Variants in ACOD1 observed in about 807,000 individuals in gnomAD.
The protein encoded by ACOD1 is aconitate decarboxylase 1, also known as cis-aconitate decarboxylase.
A neutral mutation model predicts 14.2 loss-of-function variants in ACOD1; 14 were observed. The observed-to-expected ratio is 0.99, with a 90% CI of 0.65 to 1.54. The LOEUF (loss-of-function observed/expected upper bound fraction) is 1.54, where lower values mean the gene tolerates loss of function less well. Ranked by LOEUF, ACOD1 falls within the 40% of genes most tolerant of loss-of-function variation. The probability of loss-of-function intolerance (pLI) is 0.00; values close to 1 mark genes in which losing one functional copy is unlikely to be tolerated. For synonymous variants in ACOD1, 182 were observed against 221.7 expected, an observed-to-expected ratio of 0.82 and a Z score of 1.59; for missense variants, 530 against 586.3, an observed-to-expected ratio of 0.90 and a Z score of 0.99.
rs2033887968 is a variant in ACOD1, at chr13:76,957,323, T to A, written c.784T>A (p.Trp262Arg). 1.3e-6 allele frequency: 2 copies of A among 1,550,548 alleles called. No individual in the cohort carries two copies. Among genetic ancestry groups the A allele is most frequent in the Non-Finnish European group, 1.7e-6 (2 of 1,147,006 alleles). The change falls in exon 5 of 5, where the codon TGG (tryptophan) becomes AGG (arginine). Residue 262 changes from tryptophan (W) to arginine (R), a missense_variant. Transcript: ENST00000377462. ...KVLPSIASYSWLLDQQDVAFK... is the reference protein window; with the variant it reads ...KVLPSIASYSRLLDQQDVAFK... ...CCTTCCAAGCATAGCTTCCTACAGT[T>A]GGCTGCTGGACCAGCAGGACGTGGC...
chr13:76,956,181 A>C (rs895521431), intron 4 of ACOD1, among the ~76,000 whole-genome samples: 1 of 152,162 alleles, frequency 6.6e-6, no homozygotes, highest in Non-Finnish European at 1.5e-5. Flanking sequence ...AAACTCTAAG[A>C]GGTAGATGTT....
At chr13:76,953,981 A>T in intron 3 of ACOD1, among the ~76,000 whole-genome samples, 1 of 152,348 alleles carries the variant, frequency 6.6e-6, no homozygotes, top group Admixed American at 6.5e-5. Context: ...GCAAAAAAAT[A>T]TAAAACCCAT....
Position 76,955,447 on chromosome 13 carries a change from G to T in ACOD1, c.393G>T (p.Leu131=). 1 of 1,550,676 alleles carries T rather than the reference G, an allele frequency of 6.4e-7. No individual in the cohort carries two copies. The highest frequency in any genetic ancestry group is 8.7e-7 in the Non-Finnish European group (1 of 1,147,008). ...RSPKFSGLDL[L]LAFNVGIEVQ... is the part of the protein sequence containing the mutation. ...CAAAGTTTTCTGGCCTTGACCTGCT[G>T]CTGGCTTTCAATGTTGGTATTGAAG... Residue 131 remains leucine (L), a synonymous_variant, in exon 4 of 5, where the codon CTG becomes CTT. Transcript: ENST00000377462.
chr13:76,954,284 T>C (rs1019701348), intron 3 of ACOD1, among the ~76,000 whole-genome samples: 4 of 152,190 alleles, frequency 2.6e-5, no homozygotes, highest in African/African-American at 9.7e-5. Context: ...GCTCAGGAGA[T>C]TGAAAGTTAA....
chr13:76,954,153 C>G (rs1441720907), intron 3 of ACOD1, among the ~76,000 whole-genome samples: 2 of 152,056 alleles, frequency 1.3e-5, no homozygotes, highest in Non-Finnish European at 2.9e-5. Flanking sequence ...ATCTGTACTT[C>G]TCATCTGACA....
In ACOD1 at chr13:76,957,243, T is replaced by A. The variant is rs1204955761; in HGVS notation, c.704T>A (p.Val235Asp). Residue 235 changes from valine to aspartate, a missense_variant, in exon 5 of 5, where the codon GTC (valine) becomes GAC (aspartate). Transcript: ENST00000377462. ...TTGGGTCTCCAAGGAAACAAGCAGG[T>A]CTTGGACTTGGAGGCAGGATTTGGG... ...AMLGLQGNKQVLDLEAGFGAF... is the reference protein window; with the variant it reads ...AMLGLQGNKQDLDLEAGFGAF... The A allele has an allele frequency of 6.4e-7, 1 of 1,550,454 alleles. No individual in the cohort carries two copies. The highest frequency in any genetic ancestry group is 1.4e-5 in the African/African-American group (1 of 73,052).
chr13:76,957,294 A>C lies in ACOD1; in HGVS notation c.755A>C (p.Lys252Thr). The part of the protein sequence containing the change: ...FGAFYANYSP[K>T]VLPSIASYSW... ...GCCTTTTATGCCAACTATTCCCCAA[A>C]AGTCCTTCCAAGCATAGCTTCCTAC... is the stretch of plus-strand genomic sequence containing the variant. Residue 252 changes from lysine (K) to threonine (T), a missense_variant, in exon 5 of 5, where the codon AAA (lysine) becomes ACA (threonine). Physicochemically the swap from Lys to Thr is moderately conservative, Grantham distance 78 (BLOSUM62 -1). Transcript: ENST00000377462. The C allele has an allele frequency of 6.4e-7, 1 of 1,550,636 alleles. No individual in the cohort carries two copies. Among genetic ancestry groups the C allele is most frequent in the Non-Finnish European group, 8.7e-7 (1 of 1,146,998 alleles).
chr13:76,949,221 C>T (rs2033799871), intron 1 of ACOD1, among the ~76,000 whole-genome samples: 1 of 151,776 alleles, frequency 6.6e-6, no homozygotes, highest in East Asian at 1.9e-4. Flanking sequence ...GAGCCGAGAT[C>T]GTGTCACTGT....
Position 76,957,055 on chromosome 13 carries a change from T to C in ACOD1, c.516T>C (p.Ala172=), listed in dbSNP as rs2033883707. 6.4e-7 allele frequency: 1 copy of C among 1,550,472 alleles called. No homozygotes were observed. The highest frequency in any genetic ancestry group is 1.2e-5 in the South Asian group (1 of 84,062). ...SVVGTLGSAA[A]ASKFLGLSST... The stretch of plus-strand genomic sequence containing the variant: ...TAGGAACGTTGGGTAGTGCTGCTGC[T>C]GCATCCAAGTTTTTAGGACTTAGCT... The change falls in exon 5 of 5, where the codon GCT becomes GCC. Residue 172 remains alanine, a synonymous_variant. Coordinates refer to ENST00000377462, the MANE Select transcript of ACOD1 (RefSeq NM_001258406.2).
At chr13:76,952,062 G>A (rs2033827002) in intron 1 of ACOD1, among the ~76,000 whole-genome samples, 1 of 152,182 alleles carries the variant, frequency 6.6e-6, no homozygotes, top group African/African-American at 2.4e-5. Context: ...GGTATTAAAA[G>A]GGTAATATAT....
In ACOD1 at chr13:76,952,492, A is replaced by G. The variant is rs80189019; in HGVS notation, c.16A>G (p.Ile6Val). Residue 6 changes from isoleucine to valine, a missense_variant, in exon 2 of 5, where the codon ATC becomes GTC. By Grantham distance (29) the Ile-to-Val change is conservative. Coordinates refer to ENST00000377462, the MANE Select transcript of ACOD1 (RefSeq NM_001258406.2). MMLKSITESFATAIHG... is the reference protein window; with the variant it reads MMLKSVTESFATAIHG... ...CCTAACACTCTTCCCTTTAAAGTCTATCACAGAAAGCTTTGCCACAGCAAT... is the reference window on the plus strand; with the variant it reads ...CCTAACACTCTTCCCTTTAAAGTCTGTCACAGAAAGCTTTGCCACAGCAAT... 6.5e-6 allele frequency: 10 copies of G among 1,550,352 alleles called. No individual in the cohort carries two copies. In the African/African-American group the frequency reaches 1.1e-4, roughly 17 times the overall value.
In ACOD1 at chr13:76,955,333, T is replaced by A; in HGVS notation, c.279T>A (p.Asp93Glu). Residue 93 changes from aspartate (D) to glutamate (E), a missense_variant, in exon 4 of 5, where the codon GAT becomes GAA. Transcript: ENST00000377462. ...FVNGVAIHSM[D>E]FDDTWHPATH... ...TGTTTATACAGATTCACTCCATGGA[T>A]TTTGATGACACGTGGCACCCTGCCA... The A allele has an allele frequency of 6.5e-7, 1 of 1,550,334 alleles. No individual in the cohort carries two copies. The highest frequency in any genetic ancestry group is 1.7e-4 in the Middle Eastern group (1 of 5,848).
chr13:76,952,907 C>T (rs149649206), intron 2 of ACOD1, among the ~76,000 whole-genome samples: 1 of 152,242 alleles, frequency 6.6e-6, no homozygotes, highest in East Asian at 1.9e-4. Context: ...CCAAGGTGGG[C>T]AGACGGTTTG....
In ACOD1 at chr13:76,951,426, G is replaced by A. The variant is rs186495700; in HGVS notation, c.13-1063G>A. Among the ~76,000 whole-genome samples the A allele has an allele frequency of 5.9e-5, 9 of 152,232 alleles. No individual in the cohort carries two copies. In the East Asian group the frequency reaches 1.7e-3, roughly 29 times the overall value. On this transcript the variant is annotated intron_variant, in intron 1 of 4. Transcript: ENST00000377462. ...AATTTTTGTATTTTTAGTAGAGATG[G>A]GGTTTTGCCACCTTGGCCAGGCTGT...
At chr13:76,952,890 C>G (rs1566205979) in intron 2 of ACOD1, among the ~76,000 whole-genome samples, 1 of 152,112 alleles carries the variant, frequency 6.6e-6, no homozygotes, top group Non-Finnish European at 1.5e-5. Context: ...CCCAGCACTA[C>G]CAGAGGCCAA....
chr13:76,957,576 G>C lies in ACOD1; in HGVS notation c.1037G>C (p.Gly346Ala), dbSNP rs181621469. The C allele has an allele frequency of 1.3e-6, 2 of 1,550,646 alleles. No homozygotes were observed. The highest frequency in any genetic ancestry group is 1.7e-6 in the Non-Finnish European group (2 of 1,147,016). The change falls in exon 5 of 5, where the codon GGC (glycine) becomes GCC (alanine). Residue 346 changes from glycine to alanine, a missense_variant. Gly to Ala is a moderately conservative substitution (Grantham distance 60). Transcript: ENST00000377462. ...YVACAMLLDG[G>A]ITVPSFHECQ... ...GCCTGTGCCATGCTGCTTGATGGTG[G>C]CATCACTGTCCCCTCATTCCATGAA... is the stretch of plus-strand genomic sequence containing the variant.
In ACOD1 at chr13:76,958,083, C is replaced by A; in HGVS notation, c.*98C>A. ...GCTTGGTTTTCCCAGGAAAAATGAACAAAGATGGAGAGAGTCCAGAAACAG... is the reference window on the plus strand; with the variant it reads ...GCTTGGTTTTCCCAGGAAAAATGAAAAAAGATGGAGAGAGTCCAGAAACAG... On this transcript the variant is annotated 3_prime_UTR_variant, in exon 5 of 5. Coordinates refer to ENST00000377462, the MANE Select transcript of ACOD1 (RefSeq NM_001258406.2). 8.3e-7 allele frequency: 1 copy of A among 1,210,422 alleles called. No individual in the cohort carries two copies. Among genetic ancestry groups the A allele is most frequent in the Non-Finnish European group, 1.1e-6 (1 of 896,762 alleles). 75.0% of individuals were successfully genotyped at this position (1,210,422 alleles called of 1,614,324 possible).
intron 3 of ACOD1, 24 bp from the exon 4 acceptor site, chr13:76,955,295 T>G: frequency 6.5e-7 from 1 of 1,543,990 alleles, no homozygotes; most frequent in Non-Finnish European, 8.8e-7. Context: ...GGCTTTTTGT[T>G]GCTGTTTGTG....
intron 1 of ACOD1, among the ~76,000 whole-genome samples, chr13:76,949,033 A>G (rs2033797361): frequency 1.3e-5 from 2 of 152,172 alleles, no homozygotes; most frequent in South Asian, 4.1e-4. Context: ...TGGGAGGCCG[A>G]GGCGGATGGA....
Sources: gnomAD v4.1 joint callset for allele counts (sites outside exome capture counted in the v4.1 genomes callset) on GRCh38, gnomAD v4.1.1 for gene constraint, MANE v1.5 for transcripts, NCBI Gene and HGNC (gene_info 2026-07-23, HGNC 2026-07-21) for gene names.